The following EBF2 variants were observed in gnomAD, a reference collection of about 807,000 sequenced individuals.
The protein encoded by EBF2 is EBF transcription factor 2, also known as transcription factor COE2.
A neutral mutation model predicts 72.8 loss-of-function variants in EBF2; 21 were observed. The observed-to-expected ratio is 0.29, with a 90% CI of 0.20 to 0.42. The LOEUF (loss-of-function observed/expected upper bound fraction) is 0.42. EBF2 is among the 10% of genes least tolerant of loss of function. The probability of loss-of-function intolerance (pLI) is 1.00; values close to 1 mark genes in which losing one functional copy is unlikely to be tolerated. For synonymous variants in EBF2, 299 were observed against 274.2 expected (o/e 1.09, Z -0.89); for missense variants, 637 against 731.2 (o/e 0.87, Z 1.49).
chr8:25,857,770 A>G (rs1232556748), intron 14 of EBF2, among the ~76,000 whole-genome samples: 1 of 152,188 alleles, frequency 6.6e-6, no homozygotes, highest in Non-Finnish European at 1.5e-5. Context: ...AGGTACTGAA[A>G]GGAGGGGAAA....
At chr8:25,978,501 C>T (rs1804303970) in intron 6 of EBF2, among the ~76,000 whole-genome samples, 1 of 152,162 alleles carries the variant, frequency 6.6e-6, no homozygotes, top group Admixed American at 6.5e-5. Flanking sequence ...TCCTGGTTAT[C>T]CCATGATGGC....
chr8:25,955,846 C>T lies in EBF2; in HGVS notation c.552-47291G>A, dbSNP rs978007693. ...ATATAAGTTAATATTTTGGATGAGA[C>T]TACCTTCTGTGTTTGGGAATATAGC... is the stretch of plus-strand genomic sequence containing the variant. On this transcript the variant is annotated intron_variant, in intron 6 of 15. Transcript: ENST00000520164. Among the ~76,000 whole-genome samples the T allele has an allele frequency of 2.6e-5, 4 of 152,168 alleles. No individual in the cohort carries two copies. The East Asian group carries it at 7.7e-4, about 29-fold the overall frequency.
chr8:26,005,561 T>TATATAGAGAGAGAGAGAGAG (rs375386709), intron 6 of EBF2, among the ~76,000 whole-genome samples: 13 of 63,886 alleles, frequency 2.0e-4, no homozygotes, highest in South Asian at 4.8e-4. Context: ...TATATATATA[T>TATATAGAGAGAGAGAGAGAG]AGAGAGAGAG....
intron 8 of EBF2, among the ~76,000 whole-genome samples, chr8:25,888,408 G>A (rs1802727170): frequency 6.6e-6 from 1 of 152,150 alleles, no homozygotes; most frequent in Non-Finnish European, 1.5e-5. Context: ...CATTATGTAT[G>A]AAAAAGTAAA....
intron 5 of EBF2, among the ~76,000 whole-genome samples, chr8:26,037,248 A>T (rs1805518853): frequency 6.6e-6 from 1 of 152,202 alleles, no homozygotes; most frequent in African/African-American, 2.4e-5. Flanking sequence ...TAGAAAGGGA[A>T]AAAGAGGAAT....
chr8:25,904,605 A>G (rs764350513), intron 7 of EBF2, among the ~76,000 whole-genome samples: 39 of 152,294 alleles, frequency 2.6e-4, no homozygotes, highest in Middle Eastern at 3.4e-3. Flanking sequence ...ATATGGCTCT[A>G]AATGATTGTC....
intron 6 of EBF2, among the ~76,000 whole-genome samples, chr8:25,969,790 G>A (rs1804164475): frequency 6.6e-6 from 1 of 152,064 alleles, no homozygotes; most frequent in African/African-American, 2.4e-5. Context: ...CTGCAGCTTT[G>A]AACTCCTGGG....
At chr8:25,850,918 G>A (rs1447883125) in intron 14 of EBF2, among the ~76,000 whole-genome samples, 157 bp from the exon 15 acceptor site, 1 of 151,996 alleles carries the variant, frequency 6.6e-6, no homozygotes, top group Non-Finnish European at 1.5e-5. Context: ...TTCCCACCAT[G>A]TCCAGTGGGA....
chr8:25,989,963 T>C (rs1391466703), intron 6 of EBF2, among the ~76,000 whole-genome samples: 1 of 152,170 alleles, frequency 6.6e-6, no homozygotes, highest in African/African-American at 2.4e-5. Context: ...TAGGATTGGC[T>C]TGGGGATTCA....
At chr8:26,034,800 A>T (rs184260356) in intron 5 of EBF2, among the ~76,000 whole-genome samples, 145 of 152,126 alleles carry the variant, frequency 9.5e-4, no homozygotes, top group East Asian at 5.8e-4. Context: ...CAATAACCAA[A>T]CTCTATGTGA....
chr8:25,880,241 T>C (rs997192125), intron 10 of EBF2, among the ~76,000 whole-genome samples: 2 of 152,242 alleles, frequency 1.3e-5, no homozygotes, highest in African/African-American at 4.8e-5. Context: ...GCCTGGCATA[T>C]TGACACACAA....
At chr8:25,861,622 AAC>A (rs1554561645) in intron 11 of EBF2, among the ~76,000 whole-genome samples, 1 of 152,132 alleles carries the variant, frequency 6.6e-6, no homozygotes. Context: ...CAAAACAAAA[AAC>A]AACCCAATTG....
At chr8:25,891,979 C>T (rs1802790289) in intron 7 of EBF2, among the ~76,000 whole-genome samples, 1 of 152,004 alleles carries the variant, frequency 6.6e-6, no homozygotes, top group South Asian at 2.1e-4. Flanking sequence ...ATAATGAATC[C>T]CCAGTACTTA....
At chr8:25,861,416 C>T (rs757376909) in intron 11 of EBF2, 42 bp from the exon 12 acceptor site, 1 of 1,606,908 alleles carries the variant, frequency 6.2e-7, no homozygotes, top group Non-Finnish European at 8.5e-7. Context: ...AAGGCAAAAT[C>T]CAAGATGGCA....
At chr8:26,015,317 A>G (rs987785630) in intron 6 of EBF2, among the ~76,000 whole-genome samples, 1 of 152,230 alleles carries the variant, frequency 6.6e-6, no homozygotes. Flanking sequence ...TCATAGACAC[A>G]CAAATAAGCC....
intron 6 of EBF2, among the ~76,000 whole-genome samples, chr8:25,950,867 A>T (rs1352326227): frequency 6.6e-6 from 1 of 152,174 alleles, no homozygotes; most frequent in East Asian, 1.9e-4. Context: ...ACACAAATTG[A>T]TATTAAAAAA....
At chr8:25,857,665 G>A (rs1802121753) in intron 14 of EBF2, among the ~76,000 whole-genome samples, 2 of 152,202 alleles carry the variant, frequency 1.3e-5, no homozygotes, top group African/African-American at 4.8e-5. Flanking sequence ...CAACTTCCCA[G>A]AGCAGGGACT....
chr8:26,012,549 G>A (rs1007289058), intron 6 of EBF2, among the ~76,000 whole-genome samples: 1 of 152,076 alleles, frequency 6.6e-6, no homozygotes, highest in East Asian at 1.9e-4. Context: ...TTTATACCAA[G>A]AGCATTTGCA....
At chr8:25,901,003 A>G (rs990140081) in intron 7 of EBF2, among the ~76,000 whole-genome samples, 7 of 152,124 alleles carry the variant, frequency 4.6e-5, no homozygotes, top group Admixed American at 3.9e-4. Flanking sequence ...GAAATGATCA[A>G]TTCTCATGAT....
Sources: allele counts gnomAD v4.1 joint callset (sites outside exome capture counted in the v4.1 genomes callset), GRCh38; gene constraint gnomAD v4.1.1; transcripts MANE v1.5; gene names NCBI Gene and HGNC (gene_info 2026-07-23, HGNC 2026-07-21).